Variants in MINDY2 observed in about 807,000 individuals in gnomAD.
The protein encoded by MINDY2 is ubiquitin carboxyl-terminal hydrolase MINDY-2.
Under a neutral mutation model 68.2 loss-of-function variants are expected in MINDY2, and 52 were observed. The observed-to-expected ratio is 0.76, with a 90% confidence interval of 0.61 to 0.96. The LOEUF is 0.96. Among genes scored for constraint, MINDY2 ranks in the 40% least tolerant of loss-of-function variants. The pLI is 0.00. For synonymous variants in MINDY2, 372 were observed against 303.0 expected (o/e 1.23, Z -2.36); for missense variants, 881 against 773.4 (o/e 1.14, Z -1.65).
intron 6 of MINDY2, among the ~76,000 whole-genome samples, chr15:58,841,025 A>G (rs2032255569): frequency 6.7e-6 from 1 of 148,660 alleles, no homozygotes; most frequent in Non-Finnish European, 1.5e-5. Context: ...TCTGTCACCC[A>G]GGCTAGAGTG....
At chr15:58,804,261 A>T (rs2140959842) in intron 3 of MINDY2, among the ~76,000 whole-genome samples, 1 of 152,324 alleles carries the variant, frequency 6.6e-6, no homozygotes, top group Admixed American at 6.5e-5. Flanking sequence ...CCTCTTTTCA[A>T]ATGAAATCTC....
At chr15:58,822,961 G>A (rs80211319) in intron 5 of MINDY2, among the ~76,000 whole-genome samples, 4,931 of 152,012 alleles carry the variant, frequency 0.032, 289 homozygotes, top group African/African-American at 0.11. Context: ...TAAAACTAAC[G>A]ACTACAGGAG....
Position 58,855,607 on chromosome 15 carries a change from CT to C in MINDY2, c.*999del, listed in dbSNP as rs1390812882. ...ATGAAGTTAGAGATAATCTCTGTGT[CT>C]TATAAAAAGACATTAATAAAAATCT... On this transcript the variant is annotated 3_prime_UTR_variant, in exon 9 of 9. Coordinates refer to ENST00000559228, the MANE Select transcript of MINDY2 (RefSeq NM_001040450.3). 2 of 152,544 alleles carry C rather than the reference CT, an allele frequency of 1.3e-5. No homozygotes were observed. The highest frequency in any genetic ancestry group is 4.8e-5 in the African/African-American group (2 of 41,420). 9.4% of individuals were successfully genotyped at this position (152,544 alleles called of 1,614,324 possible). A position where few individuals can be genotyped will look rare whatever the true frequency, so the allele number is the denominator to read the frequency against.
intron 2 of MINDY2, among the ~76,000 whole-genome samples, chr15:58,791,658 GTGTA>G (rs1434814225): frequency 3.3e-4 from 47 of 141,852 alleles, no homozygotes; most frequent in African/African-American, 1.3e-3. Context: ...GTGTGTGTGT[GTGTA>G]TGTGTGTGTG....
At chr15:58,777,962 C>G (rs976882948) in intron 1 of MINDY2, among the ~76,000 whole-genome samples, 10 of 151,894 alleles carry the variant, frequency 6.6e-5, no homozygotes, top group Admixed American at 5.9e-4. Flanking sequence ...TTTTAAAAAT[C>G]TTATTTTAGC....
intron 3 of MINDY2, among the ~76,000 whole-genome samples, chr15:58,802,686 T>A (rs1902748039): frequency 6.6e-6 from 1 of 152,196 alleles, no homozygotes; most frequent in African/African-American, 2.4e-5. Context: ...AAAAATTGAC[T>A]TCCAGGTCAA....
chr15:58,832,006 T>C, intron 6 of MINDY2, 90 bp downstream of exon 6: 1 of 1,157,582 alleles, frequency 8.6e-7, no homozygotes, highest in Non-Finnish European at 1.2e-6. Flanking sequence ...AAATAAAAGA[T>C]TTTAGCGTAA....
At chr15:58,820,020 C>T (rs1313499998) in intron 4 of MINDY2, among the ~76,000 whole-genome samples, 1 of 152,154 alleles carries the variant, frequency 6.6e-6, no homozygotes, top group African/African-American at 2.4e-5. Context: ...AATCCCAGCA[C>T]TTTGGGAGAC....
intron 3 of MINDY2, among the ~76,000 whole-genome samples, chr15:58,804,702 G>T (rs1295095772): frequency 2.0e-5 from 3 of 152,114 alleles, no homozygotes; most frequent in African/African-American, 7.2e-5. Flanking sequence ...AGCTACTTGG[G>T]AGGCTGAGGT....
chr15:58,858,786 A>G lies in MINDY2; in HGVS notation c.*4176A>G, dbSNP rs2033136496. The G allele has an allele frequency of 6.6e-6, 1 of 152,156 alleles. No individual in the cohort carries two copies. The highest frequency in any genetic ancestry group is 2.4e-5 in the African/African-American group (1 of 41,456). 9.4% of individuals were successfully genotyped at this position (152,156 alleles called of 1,614,324 possible). Reference sequence around the variant, plus strand: ...ATAGTAAAATTACTAATGTTTGATAAAATAAGATGGAGGCATTACAAATAG... The same window carrying G: ...ATAGTAAAATTACTAATGTTTGATAGAATAAGATGGAGGCATTACAAATAG... On this transcript the variant is annotated 3_prime_UTR_variant, in exon 9 of 9. Coordinates refer to ENST00000559228, the MANE Select transcript of MINDY2 (RefSeq NM_001040450.3).
At chr15:58,838,711 C>G (rs2032127339) in intron 6 of MINDY2, among the ~76,000 whole-genome samples, 1 of 150,836 alleles carries the variant, frequency 6.6e-6, no homozygotes, top group South Asian at 2.1e-4. Context: ...CTCAGCCTCC[C>G]AAGTAGTTGG....
At chr15:58,786,880 A>C (rs940973927) in intron 1 of MINDY2, among the ~76,000 whole-genome samples, 18 of 152,102 alleles carry the variant, frequency 1.2e-4, no homozygotes, top group South Asian at 4.1e-4. Context: ...CCCAGGCTGG[A>C]GTGCAATGGT....
intron 5 of MINDY2, among the ~76,000 whole-genome samples, chr15:58,825,155 A>G (rs2031312127): frequency 6.6e-6 from 1 of 152,192 alleles, no homozygotes; most frequent in African/African-American, 2.4e-5. Context: ...CAAACATTTT[A>G]TTTCCTATCA....
intron 2 of MINDY2, among the ~76,000 whole-genome samples, chr15:58,801,879 A>T (rs777653273): frequency 1.3e-5 from 2 of 152,198 alleles, no homozygotes; most frequent in Non-Finnish European, 2.9e-5. Flanking sequence ...CAGCCTCCCA[A>T]AGTGCTGGGA....
intron 2 of MINDY2, among the ~76,000 whole-genome samples, chr15:58,791,216 TA>T (rs1567043700): frequency 9.7e-4 from 4 of 4,126 alleles, no homozygotes; most frequent in African/African-American, 3.2e-3. Context: ...AAAGCAATTT[TA>T]TATATATATA....
rs184027654 is a variant in MINDY2 at position 58,798,643 on chromosome 15, A to T, written c.899-3670A>T. 3.1e-3 allele frequency among the ~76,000 whole-genome samples: 477 copies of T among 152,016 alleles called. 2 individuals are homozygous for T. The highest frequency in any genetic ancestry group is 0.011 in the African/African-American group (453 of 41,460). On this transcript the variant is annotated intron_variant, in intron 2 of 8. Coordinates refer to ENST00000559228, the MANE Select transcript of MINDY2 (RefSeq NM_001040450.3). ...GCTAATTTTTGTATTTTTAGTAGAGATGGGGTTTCATCATCTTGGCCAGGC... is the reference window on the plus strand; with the variant it reads ...GCTAATTTTTGTATTTTTAGTAGAGTTGGGGTTTCATCATCTTGGCCAGGC...
At chr15:58,829,813 G>A (rs371504717) in intron 5 of MINDY2, among the ~76,000 whole-genome samples, 2 of 152,292 alleles carry the variant, frequency 1.3e-5, no homozygotes, top group South Asian at 4.2e-4. Flanking sequence ...GATAATTATA[G>A]TGTGGTAAGT....
chr15:58,822,897 T>A (rs116411705), intron 5 of MINDY2, among the ~76,000 whole-genome samples: 1,535 of 152,218 alleles, frequency 0.01, 30 homozygotes, highest in African/African-American at 0.035. Flanking sequence ...GACACACAAT[T>A]ATTTTACATA....
intron 1 of MINDY2, among the ~76,000 whole-genome samples, chr15:58,777,288 T>C (rs1387023615): frequency 6.6e-6 from 1 of 152,096 alleles, no homozygotes; most frequent in African/African-American, 2.4e-5. Context: ...ATTAGAGAAT[T>C]GAAAGTGAAA....
Sources: allele counts gnomAD v4.1 joint callset (sites outside exome capture counted in the v4.1 genomes callset), GRCh38; gene constraint gnomAD v4.1.1; transcripts MANE v1.5; gene names NCBI Gene and HGNC (gene_info 2026-07-23, HGNC 2026-07-21).